Variants in KCNIP4 observed in about 807,000 individuals in gnomAD.
The protein encoded by KCNIP4 is potassium voltage-gated channel interacting protein 4, also known as Kv channel-interacting protein 4.
In KCNIP4, 12 loss-of-function variants were observed where a neutral mutation model predicts 34.0. The ratio of observed to expected loss-of-function variants is 0.35; its 90% CI spans 0.23 to 0.57. The LOEUF is 0.57. KCNIP4 is among the 20% of genes least tolerant of loss of function. The pLI is 0.83. For missense variants in KCNIP4, 238 were observed against 311.7 expected (o/e 0.76, Z 1.78); for synonymous variants, 124 against 102.2 (o/e 1.21, Z -1.29).
chr4:20,995,290 C>A (rs961247018), intron 1 of KCNIP4, among the ~76,000 whole-genome samples: 1 of 151,994 alleles, frequency 6.6e-6, no homozygotes, highest in Non-Finnish European at 1.5e-5. Flanking sequence ...TTTATATCAG[C>A]GACTTATAAA....
chr4:21,228,657 C>A (rs1022640716), intron 1 of KCNIP4, among the ~76,000 whole-genome samples: 2 of 152,176 alleles, frequency 1.3e-5, no homozygotes, highest in Admixed American at 1.3e-4. Context: ...CTTCTTCCTT[C>A]ATCTTTGCTT....
intron 1 of KCNIP4, among the ~76,000 whole-genome samples, chr4:21,165,757 T>C (rs540699975): frequency 5.9e-5 from 9 of 152,166 alleles, no homozygotes; most frequent in Non-Finnish European, 4.4e-5. Flanking sequence ...ATAGCTAATA[T>C]GGGGGAGGGA....
intron 1 of KCNIP4, among the ~76,000 whole-genome samples, chr4:21,558,642 G>GA (rs1022861784): frequency 1.3e-5 from 2 of 151,690 alleles, no homozygotes. Context: ...ACACTAACAA[G>GA]AAAAAAAATC....
chr4:21,941,105 C>A (rs1271273091), intron 1 of KCNIP4, among the ~76,000 whole-genome samples: 1 of 152,102 alleles, frequency 6.6e-6, no homozygotes. Context: ...CAAAATAAAA[C>A]CCCTGGCAGA....
At chr4:21,019,973 A>C (rs1739894308) in intron 1 of KCNIP4, among the ~76,000 whole-genome samples, 1 of 152,174 alleles carries the variant, frequency 6.6e-6, no homozygotes, top group South Asian at 2.1e-4. Context: ...TCAGAAATTG[A>C]TAGTTAAGAG....
chr4:21,472,729 A>G (rs1730574992), intron 1 of KCNIP4, among the ~76,000 whole-genome samples: 1 of 152,172 alleles, frequency 6.6e-6, no homozygotes, highest in Non-Finnish European at 1.5e-5. Flanking sequence ...TAGGCTATGC[A>G]GTCAGCTAGA....
intron 1 of KCNIP4, among the ~76,000 whole-genome samples, chr4:21,714,785 GAT>G (rs1491389557): frequency 2.3e-5 from 1 of 43,388 alleles, no homozygotes; most frequent in Non-Finnish European, 3.6e-5. Context: ...ATTTCCCTTT[GAT>G]TATTTTATTT....
At chr4:21,493,988 A>G (rs1391377764) in intron 1 of KCNIP4, among the ~76,000 whole-genome samples, 1 of 152,210 alleles carries the variant, frequency 6.6e-6, no homozygotes, top group African/African-American at 2.4e-5. Context: ...ATTTATTATG[A>G]GCTCTGTATG....
At chr4:20,875,720 C>A (rs1177565158) in intron 2 of KCNIP4, among the ~76,000 whole-genome samples, 2 of 151,802 alleles carry the variant, frequency 1.3e-5, no homozygotes, top group African/African-American at 4.8e-5. Context: ...AGAGGTTAAA[C>A]ATTAAAAAAA....
At chr4:21,556,531 G>A (rs1739022151) in intron 1 of KCNIP4, among the ~76,000 whole-genome samples, 1 of 152,106 alleles carries the variant, frequency 6.6e-6, no homozygotes, top group African/African-American at 2.4e-5. Context: ...TTGCAGAAGT[G>A]ATTGGCCATT....
At chr4:21,944,112 C>T (rs1444911996) in intron 1 of KCNIP4, among the ~76,000 whole-genome samples, 2 of 151,848 alleles carry the variant, frequency 1.3e-5, no homozygotes, top group African/African-American at 2.4e-5. Context: ...AGACTATACA[C>T]TCAAGAGATA....
chr4:21,840,036 T>A (rs933987626), intron 1 of KCNIP4, among the ~76,000 whole-genome samples: 1 of 152,060 alleles, frequency 6.6e-6, no homozygotes, highest in Non-Finnish European at 1.5e-5. Context: ...CCATGGCTTT[T>A]GTAGAAGCTT....
intron 1 of KCNIP4, among the ~76,000 whole-genome samples, chr4:21,461,261 C>T (rs1729439797): frequency 6.6e-6 from 1 of 152,030 alleles, no homozygotes. Context: ...TGCCTTGCTT[C>T]TCCTTCACCT....
At chr4:21,414,746 CT>C (rs1231412185) in intron 1 of KCNIP4, among the ~76,000 whole-genome samples, 1 of 152,070 alleles carries the variant, frequency 6.6e-6, no homozygotes, top group East Asian at 1.9e-4. Context: ...ATTATTGAAT[CT>C]TTAAAATGGA....
intron 1 of KCNIP4, among the ~76,000 whole-genome samples, chr4:21,902,716 G>A (rs1171836589): frequency 6.6e-6 from 1 of 152,090 alleles, no homozygotes; most frequent in Non-Finnish European, 1.5e-5. Flanking sequence ...GGAAAGGTGG[G>A]TAGGAATTAA....
At chr4:21,234,141 T>TAAC (rs1759072007) in intron 1 of KCNIP4, among the ~76,000 whole-genome samples, 1 of 106,972 alleles carries the variant, frequency 9.3e-6, no homozygotes, top group South Asian at 2.6e-4. Context: ...TAACGTATAT[T>TAAC]ATATATAACA....
At chr4:21,342,696 A>G (rs1374086344) in intron 1 of KCNIP4, among the ~76,000 whole-genome samples, 1 of 151,946 alleles carries the variant, frequency 6.6e-6, no homozygotes, top group African/African-American at 2.4e-5. Flanking sequence ...TACTAATTTC[A>G]TATATGAAAC....
intron 1 of KCNIP4, among the ~76,000 whole-genome samples, chr4:21,913,724 T>C (rs115408450): frequency 0.011 from 1,623 of 152,266 alleles, 27 homozygotes; most frequent in African/African-American, 0.037. Flanking sequence ...AAGCATTACA[T>C]GTTGTGTGAT....
intron 1 of KCNIP4, among the ~76,000 whole-genome samples, chr4:21,204,022 C>T (rs548723261): frequency 6.6e-5 from 10 of 152,226 alleles, no homozygotes; most frequent in African/African-American, 1.4e-4. Flanking sequence ...TTATGCTCAT[C>T]GCTGGGTTGG....
Sources: gnomAD v4.1 joint callset for allele counts (sites outside exome capture counted in the v4.1 genomes callset) on GRCh38, gnomAD v4.1.1 for gene constraint, MANE v1.5 for transcripts, NCBI Gene and HGNC (gene_info 2026-07-23, HGNC 2026-07-21) for gene names.